Variants in TRPC5 observed in about 807,000 individuals in gnomAD.
TRPC5 encodes transient receptor potential cation channel subfamily C member 5, also known as short transient receptor potential channel 5.
In TRPC5, 9 loss-of-function variants were observed where a neutral mutation model predicts 56.5. That is an observed-to-expected ratio of 0.16 (90% CI 0.10 to 0.28). The LOEUF is 0.28. Ranked by LOEUF, TRPC5 falls within the 10% of genes least tolerant of loss-of-function variation. TRPC5 has a pLI of 1.00. For synonymous variants in TRPC5, 282 were observed against 278.5 expected (o/e 1.01, Z -0.13); for missense variants, 469 against 748.9 (o/e 0.63, Z 4.36).
At position 111,781,955 on chromosome X, in the gene TRPC5, G is replaced by A. The variant is rs200308169; in HGVS notation, c.2080C>T (p.Arg694Cys). 2.3e-5 allele frequency: 27 copies of A among 1,189,413 alleles called. No homozygotes were observed. The highest frequency in any genetic ancestry group is 2.4e-4 in the Middle Eastern group (1 of 4,235). Residue 694 changes from arginine to cysteine, a missense_variant, in exon 8 of 11, where the codon CGC becomes TGC. This residue lies in a region of TRPC5 where 194 missense variants were observed against 221.8 expected (regional missense o/e 0.87). Transcript: ENST00000262839. ...KRDPDGRRRRRNLRSFTERNA... is the reference protein window; with the variant it reads ...KRDPDGRRRRCNLRSFTERNA... ...CTTACTGTGAAACTTCTCAAGTTGCGCCTTCTCCGTCTACCGTCAGGGTCT... is the reference window on the plus strand; with the variant it reads ...CTTACTGTGAAACTTCTCAAGTTGCACCTTCTCCGTCTACCGTCAGGGTCT...
At chrX:111,786,971 A>G (rs1276104781) in intron 7 of TRPC5, among the ~76,000 whole-genome samples, 1 of 111,290 alleles carries the variant, frequency 9.0e-6, no homozygotes, top group Non-Finnish European at 1.9e-5. Context: ...ATAATGGGAG[A>G]CTTTACACCC....
At chrX:111,800,661 G>A (rs1921275772) in intron 7 of TRPC5, among the ~76,000 whole-genome samples, 1 of 110,309 alleles carries the variant, frequency 9.1e-6, no homozygotes, top group African/African-American at 3.3e-5. Flanking sequence ...GGCTGAGGCA[G>A]GAGACTCGCT....
At chrX:112,028,850 C>G (rs1929503137) in intron 1 of TRPC5, among the ~76,000 whole-genome samples, 1 of 112,051 alleles carries the variant, frequency 8.9e-6, no homozygotes, top group Non-Finnish European at 1.9e-5. Flanking sequence ...GGAATCGCCA[C>G]ACTGTCTTCC....
At chrX:111,999,517 G>A (rs185777361) in intron 1 of TRPC5, among the ~76,000 whole-genome samples, 11 of 112,026 alleles carry the variant, frequency 9.8e-5, no homozygotes, top group South Asian at 3.8e-4. Flanking sequence ...CCACTCATCT[G>A]TTGATGAGCA....
At chrX:111,890,759 T>G (rs1924764561) in intron 3 of TRPC5, among the ~76,000 whole-genome samples, 1 of 111,943 alleles carries the variant, frequency 8.9e-6, no homozygotes, top group African/African-American at 3.3e-5. Flanking sequence ...AGTGCAGGTT[T>G]GTTACATAGG....
At chrX:111,997,997 C>T (rs34131438) in intron 1 of TRPC5, among the ~76,000 whole-genome samples, 1,185 of 111,653 alleles carry the variant, frequency 0.011, 8 homozygotes, top group Non-Finnish European at 0.017. Flanking sequence ...CTTCTGTCAA[C>T]TCATCGAAGT....
rs184226037 is a variant in TRPC5 at position 112,048,362 on chromosome X, G to C, written c.-22+33517C>G. ...GTTGCAGTGAGCCGCGATCGCGCCA[G>C]TGCACTTCAGCCTGGCGACAGAGCA... is the stretch of plus-strand genomic sequence containing the variant. On this transcript the variant is annotated intron_variant, in intron 1 of 10. Transcript: ENST00000262839. Among the ~76,000 whole-genome samples, 812 of 89,042 alleles carry C rather than the reference G, an allele frequency of 9.1e-3. 37 individuals carry two copies. The Admixed American group carries it at 0.093, about 10-fold the overall frequency. The allele number at this position is 89,042 out of a possible 115,157, so 77.3% of individuals were successfully genotyped here.
intron 1 of TRPC5, among the ~76,000 whole-genome samples, chrX:111,964,674 A>T (rs1420046738): frequency 3.6e-5 from 4 of 112,217 alleles, no homozygotes; most frequent in Non-Finnish European, 7.5e-5. Flanking sequence ...AATATTCAAC[A>T]CCCTTAAAGA....
chrX:111,780,710 A>G (rs982383720), intron 9 of TRPC5, among the ~76,000 whole-genome samples: 2 of 111,891 alleles, frequency 1.8e-5, no homozygotes, highest in Non-Finnish European at 3.8e-5. Context: ...ACACAGTTCA[A>G]TCCTCTGTTG....
intron 1 of TRPC5, among the ~76,000 whole-genome samples, chrX:112,042,864 C>T (rs1929930911): frequency 9.0e-6 from 1 of 110,594 alleles, no homozygotes; most frequent in Non-Finnish European, 1.9e-5. Context: ...ATCTGACCTT[C>T]AATCCTACCA....
rs1244579987 is a variant in TRPC5, at chrX:111,838,585, G to GA, written c.1701-3470dup. Among the ~76,000 whole-genome samples the GA allele has an allele frequency of 9.8e-5, 11 of 111,702 alleles. No homozygotes were observed. The East Asian group carries it at 2.8e-3, about 29-fold the overall frequency. On this transcript the variant is annotated intron_variant, in intron 6 of 10. Coordinates refer to ENST00000262839, the MANE Select transcript of TRPC5 (RefSeq NM_012471.3). Reference sequence around the variant, plus strand: ...TCAATTTTAAAGAGGGATTATTTTAGAAAAAAGCAACTAGTCCATTTTTAT... The same window carrying GA: ...TCAATTTTAAAGAGGGATTATTTTAGAAAAAAAGCAACTAGTCCATTTTTAT...
intron 7 of TRPC5, among the ~76,000 whole-genome samples, chrX:111,821,289 C>T (rs1197568324): frequency 7.2e-5 from 8 of 111,179 alleles, no homozygotes; most frequent in Non-Finnish European, 1.3e-4. Flanking sequence ...GGATACAGAA[C>T]AAAACAGAGG....
intron 1 of TRPC5, among the ~76,000 whole-genome samples, chrX:112,068,354 C>T (rs1193347893): frequency 8.9e-6 from 1 of 112,455 alleles, no homozygotes; most frequent in Non-Finnish European, 1.9e-5. Flanking sequence ...TTCTTGGTAG[C>T]AGGCATTGTA....
intron 1 of TRPC5, among the ~76,000 whole-genome samples, chrX:112,042,636 C>T (rs182728683): frequency 3.6e-5 from 4 of 111,269 alleles, no homozygotes; most frequent in African/African-American, 9.8e-5. Context: ...TAGCCCTCTT[C>T]GGTTCCCAAC....
chrX:112,017,423 G>T (rs148965104), intron 1 of TRPC5, among the ~76,000 whole-genome samples: 2 of 110,830 alleles, frequency 1.8e-5, no homozygotes, highest in Non-Finnish European at 3.8e-5. Context: ...AACTATTTTC[G>T]GCCCCAGTGA....
intron 3 of TRPC5, among the ~76,000 whole-genome samples, chrX:111,905,756 T>C (rs771140913): frequency 1.9e-5 from 2 of 108,090 alleles, no homozygotes; most frequent in South Asian, 4.1e-4. Context: ...CTACTAAAAA[T>C]ACAAAAAAAT....
At chrX:111,889,838 C>A (rs1199874210) in intron 3 of TRPC5, among the ~76,000 whole-genome samples, 1 of 111,765 alleles carries the variant, frequency 8.9e-6, no homozygotes, top group African/African-American at 3.3e-5. Context: ...TTTTTATTTT[C>A]ATGGATCAGC....
rs998028522 is a variant in TRPC5 at position 111,945,641 on chromosome X, C to T, written c.378+6402G>A. 2.7e-5 allele frequency among the ~76,000 whole-genome samples: 3 copies of T among 111,765 alleles called. No homozygotes were observed. In the Admixed American group the frequency reaches 2.9e-4, roughly 11 times the overall value. On this transcript the variant is annotated intron_variant, in intron 2 of 10. Coordinates refer to ENST00000262839, the MANE Select transcript of TRPC5 (RefSeq NM_012471.3). ...TGATCCTTGAAGTTACTGTCAGCCC[C>T]TTATGCCCAGCCCCTGACCTTTGTC...
chrX:111,817,560 G>A (rs959487971), intron 7 of TRPC5, among the ~76,000 whole-genome samples: 5 of 109,859 alleles, frequency 4.6e-5, no homozygotes, highest in Non-Finnish European at 5.7e-5. Flanking sequence ...TCCTGACCTC[G>A]TGATCTGCCC....
Sources: gnomAD v4.1 joint callset for allele counts (sites outside exome capture counted in the v4.1 genomes callset) on GRCh38, gnomAD v4.1.1 for gene constraint, gnomAD v4.1.1 regional missense constraint, MANE v1.5 for transcripts, NCBI Gene and HGNC (gene_info 2026-07-23, HGNC 2026-07-21) for gene names.